Variants in SGO2 observed in about 807,000 individuals in gnomAD.
SGO2 encodes the protein shugoshin 2, also known as shugoshin-like 2.
A neutral mutation model predicts 99.5 loss-of-function variants in SGO2; 68 were observed. The observed-to-expected ratio is 0.68, with a 90% CI of 0.56 to 0.84. The LOEUF (loss-of-function observed/expected upper bound fraction) is 0.84. Ranked by LOEUF, SGO2 falls within the 40% of genes least tolerant of loss-of-function variation. The pLI is 0.00. For missense variants in SGO2, 1,350 were observed against 1,436.7 expected, an observed-to-expected ratio of 0.94 and a Z score of 0.97; for synonymous variants, 457 against 487.1, an observed-to-expected ratio of 0.94 and a Z score of 0.81.
chr2:200,559,560 A>G (rs2032858261), intron 5 of SGO2, among the ~76,000 whole-genome samples: 1 of 152,034 alleles, frequency 6.6e-6, no homozygotes, highest in South Asian at 2.1e-4. Flanking sequence ...ATTTAAGGTT[A>G]TTTTCCTATA....
Position 200,570,178 on chromosome 2 carries a change from T to C in SGO2, c.703+286T>C, listed in dbSNP as rs1441688020. 5.2e-6 allele frequency: 2 copies of C among 383,492 alleles called. No individual in the cohort carries two copies. Among genetic ancestry groups the C allele is most frequent in the African/African-American group, 2.1e-5 (1 of 48,136 alleles). The allele number at this position is 383,492 out of a possible 1,614,324, so 23.8% of individuals were successfully genotyped here. On this transcript the variant is annotated intron_variant, in intron 6 of 8. Coordinates refer to ENST00000357799, the MANE Select transcript of SGO2 (RefSeq NM_152524.6). This position sits in a 1 kb window ranked among gnomAD's most constrained non-coding sequence, Gnocchi z 4.4. ...ATATCTTAGCTTATGATTTGAAAGA[T>C]ACCATATATTTACTTAGTTTTACCC...
At chr2:200,546,172 A>G (rs555760526) in intron 5 of SGO2, among the ~76,000 whole-genome samples, 1 of 92,132 alleles carries the variant, frequency 1.1e-5, no homozygotes, top group African/African-American at 4.1e-5. Flanking sequence ...AGCAGTATAG[A>G]TTTGCTAAAA....
intron 5 of SGO2, among the ~76,000 whole-genome samples, chr2:200,558,215 A>G (rs1426239676): frequency 6.6e-6 from 1 of 152,116 alleles, no homozygotes; most frequent in Non-Finnish European, 1.5e-5. Context: ...TTCATATTGT[A>G]TTCCCATTAT....
At chr2:200,551,994 C>T (rs1174125428) in intron 5 of SGO2, among the ~76,000 whole-genome samples, 2 of 152,178 alleles carry the variant, frequency 1.3e-5, no homozygotes, top group African/African-American at 4.8e-5. Flanking sequence ...ATCAGCTTGT[C>T]AGTTTACACA....
Position 200,569,779 on chromosome 2 carries a change from C to T in SGO2, c.590C>T (p.Pro197Leu), listed in dbSNP as rs766342242. Residue 197 changes from proline (P) to leucine (L), a missense_variant, in exon 6 of 9, where the codon CCT (proline) becomes CTT (leucine). Coordinates refer to ENST00000357799, the MANE Select transcript of SGO2 (RefSeq NM_152524.6). ...CCCTCTTCAGGATCAACAACACAAC[C>T]TTTATCAACTCAGGATAATTCGGAA... is the stretch of plus-strand genomic sequence containing the variant. ...DIPSSGSTTQ[P>L]LSTQDNSEVL... 11 of 1,611,424 alleles carry T rather than the reference C, an allele frequency of 6.8e-6. No individual in the cohort carries two copies. In the Admixed American group the frequency reaches 1.7e-4, roughly 24 times the overall value.
intron 8 of SGO2, among the ~76,000 whole-genome samples, chr2:200,577,551 C>T (rs1016764287): frequency 6.6e-6 from 1 of 152,154 alleles, no homozygotes; most frequent in Non-Finnish European, 1.5e-5. Flanking sequence ...AGCATTGGTA[C>T]AATACTATTA....
At chr2:200,578,327 T>C (rs1031430644) in intron 8 of SGO2, among the ~76,000 whole-genome samples, 4 of 152,202 alleles carry the variant, frequency 2.6e-5, no homozygotes, top group African/African-American at 9.6e-5. Flanking sequence ...TCATACTATT[T>C]GGAGCACTTT....
chr2:200,576,106 C>A, intron 8 of SGO2: 2 of 387,866 alleles, frequency 5.2e-6, no homozygotes, highest in South Asian at 1.9e-5. Flanking sequence ...ATGATCACAT[C>A]TAACAAAAAA....
intron 7 of SGO2, 101 bp downstream of exon 7, chr2:200,574,078 T>G: frequency 1.1e-6 from 1 of 895,544 alleles, no homozygotes; most frequent in Non-Finnish European, 1.6e-6. Flanking sequence ...ACTGGTATTT[T>G]TATGGAATTT....
Position 200,536,083 on chromosome 2 carries a change from A to T in SGO2, c.328A>T (p.Ile110Leu). The T allele has an allele frequency of 1.3e-6, 2 of 1,590,244 alleles. No homozygotes were observed. Among genetic ancestry groups the T allele is most frequent in the Non-Finnish European group, 1.7e-6 (2 of 1,163,994 alleles). Reference sequence around the variant, plus strand: ...TGTGCAGAATAAGAAGCTTATAGACATAGAAGCTCTCATGAACAATAACTT... The same window carrying T: ...TGTGCAGAATAAGAAGCTTATAGACTTAGAAGCTCTCATGAACAATAACTT... ...LNNLNKKLID[I>L]EALMNNNLIT... Residue 110 changes from isoleucine (I) to leucine (L), a missense_variant, in exon 4 of 9, where the codon ATA (isoleucine) becomes TTA (leucine). Transcript: ENST00000357799.
chr2:200,532,961 T>C lies in SGO2; in HGVS notation c.-2-13T>C. ...ATTAATCAATACTATGATTTTTTTT[T>C]CTTTCACTTCAGTGATGGAGTGCCC... On this transcript the variant is annotated splice_polypyrimidine_tract_variant and intron_variant, in intron 1 of 8. Coordinates refer to ENST00000357799, the MANE Select transcript of SGO2 (RefSeq NM_152524.6). 6.3e-7 allele frequency: 1 copy of C among 1,599,334 alleles called. No homozygotes were observed. Among genetic ancestry groups the C allele is most frequent in the Admixed American group, 1.8e-5 (1 of 56,000 alleles).
chr2:200,558,790 G>C (rs907766690), intron 5 of SGO2, among the ~76,000 whole-genome samples: 13 of 148,872 alleles, frequency 8.7e-5, no homozygotes, highest in Admixed American at 3.3e-4. Context: ...TGTGGAAAAG[G>C]TTTTGGTAAC....
intron 1 of SGO2, among the ~76,000 whole-genome samples, chr2:200,529,626 A>G (rs147171819): frequency 0.029 from 4,346 of 152,274 alleles, 201 homozygotes; most frequent in African/African-American, 0.099. Context: ...TCCTGGGTTC[A>G]AGCATTTCTC....
chr2:200,574,024 G>A (rs2033563004), intron 7 of SGO2, 47 bp downstream of exon 7: 1 of 1,444,644 alleles, frequency 6.9e-7, no homozygotes. Context: ...GAAGTGTTTT[G>A]TTTTTTGTTT....
chr2:200,565,529 A>G (rs907670384), intron 5 of SGO2, among the ~76,000 whole-genome samples: 3 of 152,118 alleles, frequency 2.0e-5, no homozygotes, highest in Non-Finnish European at 4.4e-5. Flanking sequence ...TGAATCTGAC[A>G]ATTATGTGTC....
At chr2:200,561,658 A>C (rs1328100813) in intron 5 of SGO2, among the ~76,000 whole-genome samples, 1 of 152,234 alleles carries the variant, frequency 6.6e-6, no homozygotes, top group East Asian at 1.9e-4. Context: ...TGGTTGAACT[A>C]GTTTACAGTC....
chr2:200,527,994 G>A (rs2031185485), intron 1 of SGO2, among the ~76,000 whole-genome samples: 1 of 152,204 alleles, frequency 6.6e-6, no homozygotes, highest in Non-Finnish European at 1.5e-5. Context: ...TTTGAAGGAA[G>A]AGTTGATACA....
intron 4 of SGO2, among the ~76,000 whole-genome samples, chr2:200,538,127 G>A (rs2031779004): frequency 6.6e-6 from 1 of 152,004 alleles, no homozygotes; most frequent in Non-Finnish European, 1.5e-5. Flanking sequence ...TATTATAACA[G>A]CCAGAGTGAT....
At chr2:200,579,788 A>G (rs1330296310) in intron 8 of SGO2, among the ~76,000 whole-genome samples, 1 of 152,148 alleles carries the variant, frequency 6.6e-6, no homozygotes, top group Non-Finnish European at 1.5e-5. Context: ...TTTTTATATC[A>G]ACATTCATAA....
Sources: gnomAD v4.1 joint callset for allele counts (sites outside exome capture counted in the v4.1 genomes callset) on GRCh38, gnomAD v4.1.1 for gene constraint, Gnocchi (gnomAD v3.1) non-coding constraint, MANE v1.5 for transcripts, NCBI Gene and HGNC (gene_info 2026-07-23, HGNC 2026-07-21) for gene names.